The following LRRC7 variants were observed in gnomAD, a reference collection of about 807,000 sequenced individuals.
LRRC7 encodes leucine rich repeat containing 7, also known as leucine-rich repeat-containing protein 7.
Under a neutral mutation model 175.7 loss-of-function variants are expected in LRRC7, and 23 were observed. That is an observed-to-expected ratio of 0.13 (90% CI 0.09 to 0.19). The LOEUF is 0.19. Among genes scored for constraint, LRRC7 ranks in the 10% least tolerant of loss-of-function variants. The pLI is 1.00. For missense variants in LRRC7, 1,354 were observed against 1,904.7 expected (o/e 0.71, Z 5.38); for synonymous variants, 685 against 680.9 (o/e 1.01, Z -0.09).
At position 70,039,339 on chromosome 1, in the gene LRRC7, C is replaced by G; in HGVS notation, c.3515C>G (p.Pro1172Arg). ...GCCATGTTTAGAAGGGTCAATGAGC[C>G]TCATGAGCTGCCCCCAACTGATAGG... ...EMAMFRRVNE[P>R]HELPPTDRYG... is the part of the protein sequence containing the mutation. Residue 1172 changes from proline (P) to arginine (R), a missense_variant, in exon 21 of 27, where the codon CCT becomes CGT. By Grantham distance (103) the Pro-to-Arg change is moderately radical. Around this residue, in one of 4 missense-constraint regions of LRRC7, gnomAD observed 1,032 missense variants for 1,227.2 expected, o/e 0.84. Transcript: ENST00000651989. The G allele has an allele frequency of 1.2e-6, 2 of 1,614,010 alleles. No homozygotes were observed. Among genetic ancestry groups the G allele is most frequent in the Non-Finnish European group, 1.7e-6 (2 of 1,180,002 alleles).
intron 1 of LRRC7, among the ~76,000 whole-genome samples, chr1:69,650,500 A>G (rs1224062178): frequency 1.4e-5 from 2 of 144,722 alleles, no homozygotes; most frequent in Admixed American, 7.1e-5. Context: ...AGATCGCGCC[A>G]CTGCACTCCA....
chr1:69,786,732 A>G (rs527577392), intron 3 of LRRC7, among the ~76,000 whole-genome samples: 3 of 152,240 alleles, frequency 2.0e-5, no homozygotes, highest in South Asian at 4.1e-4. Flanking sequence ...AGGAAAGACT[A>G]TGATTTAATT....
intron 20 of LRRC7, among the ~76,000 whole-genome samples, chr1:70,037,903 A>G (rs972053768): frequency 1.3e-5 from 2 of 152,098 alleles, no homozygotes; most frequent in African/African-American, 4.8e-5. Flanking sequence ...GTATATTAGA[A>G]GGTGATTATT....
At chr1:69,822,982 G>A (rs1679476695) in intron 4 of LRRC7, among the ~76,000 whole-genome samples, 1 of 152,136 alleles carries the variant, frequency 6.6e-6, no homozygotes, top group Admixed American at 6.6e-5. Flanking sequence ...TAGTTTGGTG[G>A]TGTATAGGAT....
chr1:69,639,784 G>T (rs1282731114), intron 1 of LRRC7, among the ~76,000 whole-genome samples: 1 of 151,488 alleles, frequency 6.6e-6, no homozygotes, highest in African/African-American at 2.4e-5. Context: ...GCCAGGATTT[G>T]AATTATATCA....
At chr1:69,599,026 T>C (rs1385320302) in intron 1 of LRRC7, among the ~76,000 whole-genome samples, 1 of 152,108 alleles carries the variant, frequency 6.6e-6, no homozygotes, top group Non-Finnish European at 1.5e-5. Flanking sequence ...CAAATGTGAC[T>C]GAAGCTCTAG....
At chr1:69,759,716 T>C (rs755689129) in intron 2 of LRRC7, among the ~76,000 whole-genome samples, 2 of 152,076 alleles carry the variant, frequency 1.3e-5, no homozygotes, top group Non-Finnish European at 2.9e-5. Context: ...ATTTGTGGGC[T>C]ACAAAGAGTA....
intron 1 of LRRC7, among the ~76,000 whole-genome samples, chr1:69,602,336 G>A (rs1260180041): frequency 6.6e-6 from 1 of 152,056 alleles, no homozygotes; most frequent in Non-Finnish European, 1.5e-5. Flanking sequence ...CTGTAGCTTT[G>A]CATTAGAATA....
chr1:69,995,649 C>T (rs529739444), intron 11 of LRRC7, among the ~76,000 whole-genome samples: 12 of 150,880 alleles, frequency 8.0e-5, no homozygotes, highest in Admixed American at 2.7e-4. Context: ...TGAGAATATG[C>T]GGTGTTTGGT....
intron 2 of LRRC7, among the ~76,000 whole-genome samples, chr1:69,726,690 A>G (rs550050930): frequency 6.6e-6 from 1 of 152,302 alleles, no homozygotes; most frequent in East Asian, 1.9e-4. Flanking sequence ...AAGCAAGGTA[A>G]GAAGAGAATA....
intron 7 of LRRC7, among the ~76,000 whole-genome samples, chr1:69,868,937 A>ATC (rs386367281): frequency 2.6e-5 from 4 of 151,118 alleles, no homozygotes; most frequent in Admixed American, 1.3e-4. Flanking sequence ...ATATATATAT[A>ATC]TCTTAATCTC....
At chr1:69,604,588 AAC>A (rs1368195774) in intron 1 of LRRC7, among the ~76,000 whole-genome samples, 1 of 152,268 alleles carries the variant, frequency 6.6e-6, no homozygotes, top group Admixed American at 6.5e-5. Context: ...CCAAGAGAGT[AAC>A]ACACATGATA....
At chr1:69,774,282 G>A (rs34260260) in intron 3 of LRRC7, among the ~76,000 whole-genome samples, 6,523 of 152,262 alleles carry the variant, frequency 0.043, 205 homozygotes, top group African/African-American at 0.086. Context: ...CAATTTATCC[G>A]ATGTGCTTTA....
At chr1:69,972,005 AAAAAGGT>A (rs1315784748) in intron 8 of LRRC7, among the ~76,000 whole-genome samples, 1 of 152,202 alleles carries the variant, frequency 6.6e-6, no homozygotes, top group Non-Finnish European at 1.5e-5. Context: ...CAAAGCAAAC[AAAAAGGT>A]AAAGTGGAGA....
At chr1:69,792,188 C>T in intron 4 of LRRC7, 28 bp downstream of exon 4, 1 of 1,269,560 alleles carries the variant, frequency 7.9e-7, no homozygotes, top group Non-Finnish European at 1.1e-6. Context: ...TCATAAAATA[C>T]CTAGAATTTT....
intron 7 of LRRC7, among the ~76,000 whole-genome samples, chr1:69,902,490 G>A (rs1646163076): frequency 1.3e-5 from 2 of 152,148 alleles, no homozygotes; most frequent in South Asian, 4.1e-4. Flanking sequence ...AGAATTGCTT[G>A]AACCCAGGAG....
Position 69,841,484 on chromosome 1 carries a change from A to G in LRRC7, c.647+3201A>G, listed in dbSNP as rs550796772. On this transcript the variant is annotated intron_variant, in intron 7 of 26. Transcript: ENST00000651989. ...GGAGTCCATTGTAGAGGTTCCTACC[A>G]CAGGTCTGGTTCTCAGCATTGCTGG... 5.1e-4 allele frequency among the ~76,000 whole-genome samples: 78 copies of G among 152,214 alleles called. 2 individuals carry two copies. Among genetic ancestry groups the G allele is most frequent in the African/African-American group, 1.7e-3 (71 of 41,564 alleles).
At chr1:69,949,088 T>C (rs2101817447) in intron 8 of LRRC7, among the ~76,000 whole-genome samples, 1 of 152,092 alleles carries the variant, frequency 6.6e-6, no homozygotes, top group East Asian at 1.9e-4. Context: ...TTTGTTTAAA[T>C]TGTTAAGCTG....
Position 70,016,613 on chromosome 1 carries a change from G to T in LRRC7, c.1320+79G>T, listed in dbSNP as rs1181853290. ...TTGAATTACTAATTTATTCCCAATAGATACCTTTGACAGCAGCTACAAAAT... is the reference window on the plus strand; with the variant it reads ...TTGAATTACTAATTTATTCCCAATATATACCTTTGACAGCAGCTACAAAAT... On this transcript the variant is annotated intron_variant, in intron 14 of 26. Coordinates refer to ENST00000651989, the MANE Select transcript of LRRC7 (RefSeq NM_001370785.2). 6 of 1,094,292 alleles carry T rather than the reference G, an allele frequency of 5.5e-6. No individual in the cohort carries two copies. In the Admixed American group the frequency reaches 1.5e-4, roughly 27 times the overall value. 67.8% of individuals were successfully genotyped at this position (1,094,292 alleles called of 1,614,324 possible). A position where few individuals can be genotyped will look rare whatever the true frequency, so the allele number is the denominator to read the frequency against.
Sources: allele counts gnomAD v4.1 joint callset (sites outside exome capture counted in the v4.1 genomes callset), GRCh38; gene constraint gnomAD v4.1.1; regional missense constraint gnomAD v4.1.1; transcripts MANE v1.5; gene names NCBI Gene and HGNC (gene_info 2026-07-23, HGNC 2026-07-21).